Variants in CUX2 observed in about 807,000 individuals in gnomAD.
The protein encoded by CUX2 is homeobox protein cut-like 2.
Under a neutral mutation model 144.8 loss-of-function variants are expected in CUX2, and 40 were observed. That is an observed-to-expected ratio of 0.28 (90% CI 0.21 to 0.36). CUX2 has a LOEUF of 0.36. Among genes scored for constraint, CUX2 ranks in the 10% least tolerant of loss-of-function variants. CUX2 has a pLI of 1.00. For missense variants in CUX2, 1,615 were observed against 1,994.0 expected, an observed-to-expected ratio of 0.81 and a Z score of 3.62; for synonymous variants, 827 against 875.6, an observed-to-expected ratio of 0.94 and a Z score of 0.98.
At position 111,163,045 on chromosome 12, in the gene CUX2, C is replaced by CAAA. The variant is rs559797657; in HGVS notation, c.64-51140_64-51138dup. Among the ~76,000 whole-genome samples, 5 of 112,956 alleles carry CAAA rather than the reference C, an allele frequency of 4.4e-5. No homozygotes were observed. In the East Asian group the frequency reaches 6.9e-4, roughly 16 times the overall value. 74.1% of individuals were successfully genotyped at this position (112,956 alleles called of 152,430 possible). A position where few individuals can be genotyped will look rare whatever the true frequency, so the allele number is the denominator to read the frequency against. On this transcript the variant is annotated intron_variant, in intron 1 of 21. Transcript: ENST00000261726. Reference sequence around the variant, plus strand: ...TGGGTAACAGAGCAAGACTCTGTCTCAAAAAAAAAAAAAAAAAGGAATTTG... The same window carrying CAAA: ...TGGGTAACAGAGCAAGACTCTGTCTCAAAAAAAAAAAAAAAAAAAAGGAATTTG...
At chr12:111,324,528 T>C (rs1034381206) in intron 18 of CUX2, among the ~76,000 whole-genome samples, 5 of 132,932 alleles carry the variant, frequency 3.8e-5, no homozygotes, top group African/African-American at 1.6e-4. Flanking sequence ...TGAGACAGAG[T>C]CTTGCTCTGT....
At chr12:111,316,833 CAT>C (rs1356752574) in intron 16 of CUX2, among the ~76,000 whole-genome samples, 2 of 152,146 alleles carry the variant, frequency 1.3e-5, no homozygotes, top group Non-Finnish European at 2.9e-5. Flanking sequence ...CCAGTTCACA[CAT>C]GTTCATCACC....
chr12:111,103,026 T>G (rs1186358364), intron 1 of CUX2, among the ~76,000 whole-genome samples: 2 of 152,214 alleles, frequency 1.3e-5, no homozygotes, highest in Non-Finnish European at 2.9e-5. Context: ...TTTTTATTAT[T>G]ATTAGCAACA....
At chr12:111,237,107 C>T (rs181422671) in intron 3 of CUX2, among the ~76,000 whole-genome samples, 1 of 152,338 alleles carries the variant, frequency 6.6e-6, no homozygotes, top group East Asian at 1.9e-4. Context: ...CGAAATTACA[C>T]CATTGCACTC....
chr12:111,066,596 G>A (rs1057336850), intron 1 of CUX2, among the ~76,000 whole-genome samples: 2 of 152,140 alleles, frequency 1.3e-5, no homozygotes, highest in Non-Finnish European at 2.9e-5. Flanking sequence ...TTGGGTGAGG[G>A]GTGAGGGGAG....
At chr12:111,265,035 T>G (rs1592897934) in intron 4 of CUX2, among the ~76,000 whole-genome samples, 2 of 152,230 alleles carry the variant, frequency 1.3e-5, no homozygotes, top group East Asian at 3.9e-4. Flanking sequence ...ATGTACTAAA[T>G]GTCATTGAAT....
intron 1 of CUX2, among the ~76,000 whole-genome samples, chr12:111,065,517 G>A (rs1436898090): frequency 6.6e-6 from 1 of 152,208 alleles, no homozygotes; most frequent in East Asian, 1.9e-4. Flanking sequence ...TGTATTTTTA[G>A]TAGAGACGGG....
At chr12:111,328,580 TTG>T (rs568983449) in intron 18 of CUX2, among the ~76,000 whole-genome samples, 11,240 of 135,610 alleles carry the variant, frequency 0.083, 539 homozygotes, top group African/African-American at 0.13. Context: ...CCAATTTCTT[TTG>T]TGTGTGTGTG....
At chr12:111,080,095 TGAAC>T (rs1871790391) in intron 1 of CUX2, among the ~76,000 whole-genome samples, 1 of 152,188 alleles carries the variant, frequency 6.6e-6, no homozygotes, top group Non-Finnish European at 1.5e-5. Context: ...TCTTGTTTCT[TGAAC>T]GGACTGAGCA....
intron 4 of CUX2, among the ~76,000 whole-genome samples, chr12:111,269,811 G>A (rs1030851206): frequency 5.3e-5 from 8 of 152,024 alleles, no homozygotes; most frequent in Non-Finnish European, 8.8e-5. Flanking sequence ...CCCAAAGCCC[G>A]GGAGCAGGAA....
chr12:111,309,021 C>T (rs181431709), intron 14 of CUX2, among the ~76,000 whole-genome samples: 227 of 152,268 alleles, frequency 1.5e-3, no homozygotes, highest in Non-Finnish European at 2.6e-3. Context: ...TCACCTGCCT[C>T]GGCCTCCTGA....
rs199673135 is a variant in CUX2 at position 111,347,510 on chromosome 12, C to A, written c.3660-14C>A. On this transcript the variant is annotated splice_polypyrimidine_tract_variant and intron_variant, in intron 21 of 21. Transcript: ENST00000261726. ...CCCTGTCCAGCCCCAGGCTCACCGC[C>A]GTCTCTGCCCCAGGTCCCGGATGCG... is the stretch of plus-strand genomic sequence containing the variant. 1.9e-6 allele frequency: 3 copies of A among 1,571,472 alleles called. No individual in the cohort carries two copies. Among genetic ancestry groups the A allele is most frequent in the East Asian group, 4.5e-5 (2 of 44,618 alleles).
chr12:111,282,044 G>A (rs1050506696), intron 4 of CUX2, among the ~76,000 whole-genome samples: 7 of 152,138 alleles, frequency 4.6e-5, no homozygotes, highest in South Asian at 2.1e-4. Flanking sequence ...ACCACAGGCC[G>A]GGTGTGGTGG....
intron 21 of CUX2, among the ~76,000 whole-genome samples, chr12:111,345,226 G>A (rs1832219555): frequency 6.6e-6 from 1 of 151,800 alleles, no homozygotes; most frequent in South Asian, 2.1e-4. Flanking sequence ...AAGGCAGGCA[G>A]ATCACGAAGT....
rs970093658 is a variant in CUX2 at position 111,289,645 on chromosome 12, A to G, written c.302-1773A>G. On this transcript the variant is annotated intron_variant, in intron 4 of 21. Transcript: ENST00000261726. This position sits in a 1 kb window ranked among gnomAD's most constrained non-coding sequence, Gnocchi z 4.1. The stretch of plus-strand genomic sequence containing the variant: ...TGTAAAGGGCTGGGAGAGGGAACCG[A>G]ATTCCAGGCAGAAGGACCTGCACGT... Among the ~76,000 whole-genome samples the G allele has an allele frequency of 6.6e-6, 1 of 152,154 alleles. No homozygotes were observed. The highest frequency in any genetic ancestry group is 1.5e-5 in the Non-Finnish European group (1 of 68,028).
chr12:111,067,883 G>A (rs1187237570), intron 1 of CUX2, among the ~76,000 whole-genome samples: 1 of 152,148 alleles, frequency 6.6e-6, no homozygotes, highest in African/African-American at 2.4e-5. Context: ...CAGTGACATG[G>A]CCATGTTCGT....
chr12:111,053,082 G>A (rs944201638), intron 1 of CUX2, among the ~76,000 whole-genome samples: 1 of 152,136 alleles, frequency 6.6e-6, no homozygotes, highest in African/African-American at 2.4e-5. Context: ...ACATGAGGCC[G>A]CCAGAGGACT....
intron 9 of CUX2, among the ~76,000 whole-genome samples, chr12:111,301,038 CAAAAAA>C (rs3061127): frequency 8.4e-5 from 9 of 106,544 alleles, no homozygotes; most frequent in African/African-American, 2.7e-4. Flanking sequence ...GACCCTATCT[CAAAAAA>C]AAAAAAAAAA....
At chr12:111,184,014 C>G (rs1303262302) in intron 1 of CUX2, among the ~76,000 whole-genome samples, 1 of 152,174 alleles carries the variant, frequency 6.6e-6, no homozygotes, top group African/African-American at 2.4e-5. Flanking sequence ...TGCCTTTTCC[C>G]TTTTACATCC....
Sources: gnomAD v4.1 joint callset for allele counts (sites outside exome capture counted in the v4.1 genomes callset) on GRCh38, gnomAD v4.1.1 for gene constraint, Gnocchi (gnomAD v3.1) non-coding constraint, MANE v1.5 for transcripts, NCBI Gene and HGNC (gene_info 2026-07-23, HGNC 2026-07-21) for gene names.